CFTR: variants seen among roughly 807,000 people sequenced by gnomAD.
The protein encoded by CFTR is CF transmembrane conductance regulator.
A neutral mutation model predicts 171.6 loss-of-function variants in CFTR; 181 were observed. The ratio of observed to expected loss-of-function variants is 1.05; its 90% CI spans 0.93 to 1.19. CFTR has a LOEUF of 1.19. Among genes scored for constraint, CFTR ranks in the 50% most tolerant of loss-of-function variants. The probability of loss-of-function intolerance (pLI) is 0.00; values close to 1 mark genes in which losing one functional copy is unlikely to be tolerated. For missense variants in CFTR, 1,968 were observed against 1,734.7 expected, an observed-to-expected ratio of 1.13 and a Z score of -2.39; for synonymous variants, 583 against 608.0, an observed-to-expected ratio of 0.96 and a Z score of 0.60.
At position 117,501,983 on chromosome 7, in the gene CFTR, T is replaced by C. The variant is rs77869824; in HGVS notation, c.54-2270T>C. 1.4e-4 allele frequency among the ~76,000 whole-genome samples: 22 copies of C among 152,328 alleles called. No homozygotes were observed. In the East Asian group the frequency reaches 4.2e-3, roughly 29 times the overall value. The stretch of plus-strand genomic sequence containing the variant: ...TTCCCAACTCTGTGTTCAATGACTT[T>C]ATATTTGGTTGCTTTAAAATGATGA... On this transcript the variant is annotated intron_variant, in intron 1 of 26. Transcript: ENST00000003084.
chr7:117,503,297 G>C (rs1485710454), intron 1 of CFTR, among the ~76,000 whole-genome samples: 1 of 152,068 alleles, frequency 6.6e-6, no homozygotes, highest in Non-Finnish European at 1.5e-5. Context: ...AAGATGCTGA[G>C]GGAAAAAGCA....
chr7:117,650,680 G>A (rs1212554394), intron 23 of CFTR, among the ~76,000 whole-genome samples: 2 of 151,932 alleles, frequency 1.3e-5, no homozygotes, highest in East Asian at 1.9e-4. Context: ...TTATAATGAG[G>A]CTGTAGCCCA....
At chr7:117,642,778 A>T (rs1397663386) in intron 23 of CFTR, among the ~76,000 whole-genome samples, 185 bp downstream of exon 23, 2 of 152,176 alleles carry the variant, frequency 1.3e-5, no homozygotes, top group Admixed American at 1.3e-4. Flanking sequence ...GAATTCTCAA[A>T]TTCTGGTTAT....
chr7:117,645,477 G>A (rs1174088310), intron 23 of CFTR, among the ~76,000 whole-genome samples: 1 of 152,192 alleles, frequency 6.6e-6, no homozygotes, highest in Non-Finnish European at 1.5e-5. Flanking sequence ...CAAGGCATGG[G>A]CCAGTTAGGG....
chr7:117,630,800 G>A (rs1004922676), intron 22 of CFTR, among the ~76,000 whole-genome samples: 23 of 152,128 alleles, frequency 1.5e-4, no homozygotes, highest in Middle Eastern at 3.4e-3. Context: ...GAGATTCTCT[G>A]GGACCCTTTT....
intron 10 of CFTR, among the ~76,000 whole-genome samples, chr7:117,553,487 T>C (rs527593558): frequency 6.6e-6 from 1 of 152,312 alleles, no homozygotes; most frequent in South Asian, 2.1e-4. Context: ...TCAAATGTCC[T>C]TCCCTGAAAT....
intron 1 of CFTR, among the ~76,000 whole-genome samples, chr7:117,497,311 A>C (rs1359877457): frequency 6.6e-6 from 1 of 152,188 alleles, no homozygotes; most frequent in Non-Finnish European, 1.5e-5. Flanking sequence ...ATGAATACTA[A>C]TGTTAGCTAT....
At chr7:117,602,223 G>C (rs1378683872) in intron 15 of CFTR, among the ~76,000 whole-genome samples, 2 of 152,214 alleles carry the variant, frequency 1.3e-5, no homozygotes, top group Non-Finnish European at 2.9e-5. Flanking sequence ...TTCTAGTAGA[G>C]ATGAGTTTTG....
chr7:117,536,698 ATTG>A (rs766817031), intron 7 of CFTR, 25 bp downstream of exon 7: 1 of 1,584,826 alleles, frequency 6.3e-7, no homozygotes, highest in Non-Finnish European at 8.6e-7. Flanking sequence ...TAATTTCAAT[ATTG>A]TTAGTAATTC....
intron 15 of CFTR, among the ~76,000 whole-genome samples, chr7:117,598,083 A>G (rs1792165396): frequency 6.6e-6 from 1 of 152,212 alleles, no homozygotes; most frequent in South Asian, 2.1e-4. Context: ...GGAACTGGGG[A>G]TCAGGTTTCC....
chr7:117,598,369 C>T (rs1478256092), intron 15 of CFTR, among the ~76,000 whole-genome samples: 1 of 152,108 alleles, frequency 6.6e-6, no homozygotes, highest in African/African-American at 2.4e-5. Flanking sequence ...AAAAGAACCA[C>T]CTCTCCTAAG....
rs202247662 is a variant in CFTR, at chr7:117,523,381, G to GTT, written c.274-7506_274-7505dup. On this transcript the variant is annotated intron_variant, in intron 3 of 26. Coordinates refer to ENST00000003084, the MANE Select transcript of CFTR (RefSeq NM_000492.4). ...GAATTTTTGTTTTGTTTTGTTTTTT[G>GTT]TTTTTTTTTTTTTGAGACAGAGTCT... 2.2e-3 allele frequency among the ~76,000 whole-genome samples: 314 copies of GTT among 142,626 alleles called. 2 individuals carry two copies. The highest frequency in any genetic ancestry group is 0.02 in the East Asian group (99 of 4,862). The allele number at this position is 142,626 out of a possible 152,430, so 93.6% of individuals were successfully genotyped here. A position where few individuals can be genotyped will look rare whatever the true frequency, so the allele number is the denominator to read the frequency against.
intron 1 of CFTR, among the ~76,000 whole-genome samples, chr7:117,500,560 G>C (rs1204604465): frequency 6.6e-6 from 1 of 151,942 alleles, no homozygotes; most frequent in Non-Finnish European, 1.5e-5. Context: ...AAAGTGCTGG[G>C]ATTACAGGCG....
intron 11 of CFTR, among the ~76,000 whole-genome samples, chr7:117,559,874 G>T (rs550937496): frequency 7.2e-5 from 11 of 151,960 alleles, no homozygotes; most frequent in African/African-American, 2.4e-4. Flanking sequence ...TAAATAATGG[G>T]TTCATTTGAT....
At chr7:117,536,208 G>A (rs1389740835) in intron 6 of CFTR, among the ~76,000 whole-genome samples, 2 of 152,146 alleles carry the variant, frequency 1.3e-5, no homozygotes, top group Non-Finnish European at 2.9e-5. Context: ...CACTTTGTTT[G>A]AATCCCAGAT....
At position 117,611,675 on chromosome 7, in the gene CFTR, C is replaced by T; in HGVS notation, c.3234C>T (p.Phe1078=). 1 of 1,613,468 alleles carries T rather than the reference C, an allele frequency of 6.2e-7. No homozygotes were observed. The highest frequency in any genetic ancestry group is 8.5e-7 in the Non-Finnish European group (1 of 1,179,636). The change falls in exon 20 of 27, where the codon TTC becomes TTT. Residue 1078 remains phenylalanine, a synonymous_variant. Coordinates refer to ENST00000003084, the MANE Select transcript of CFTR (RefSeq NM_000492.4). ...FGRQPYFETL[F]HKALNLHTAN... ...GGCAGCCTTACTTTGAAACTCTGTT[C>T]CACAAAGCTCTGAATTTACATACTG...
chr7:117,649,368 A>T (rs553361848), intron 23 of CFTR, among the ~76,000 whole-genome samples: 1 of 150,016 alleles, frequency 6.7e-6, no homozygotes, highest in African/African-American at 2.4e-5. Context: ...CTAGATATAT[A>T]TATACATGTA....
chr7:117,622,278 C>T (rs541150135), intron 21 of CFTR, among the ~76,000 whole-genome samples: 1 of 152,218 alleles, frequency 6.6e-6, no homozygotes, highest in Admixed American at 6.5e-5. Flanking sequence ...GTTTCAAGAA[C>T]ATGTTTTGGG....
At chr7:117,509,411 C>T (rs1448242250) in intron 3 of CFTR, among the ~76,000 whole-genome samples, 1 of 152,072 alleles carries the variant, frequency 6.6e-6, no homozygotes, top group Non-Finnish European at 1.5e-5. Flanking sequence ...GTTATGATTC[C>T]AAATCACATT....
Sources: gnomAD v4.1 joint callset for allele counts (sites outside exome capture counted in the v4.1 genomes callset) on GRCh38, gnomAD v4.1.1 for gene constraint, MANE v1.5 for transcripts, NCBI Gene and HGNC (gene_info 2026-07-23, HGNC 2026-07-21) for gene names.